The following MSANTD4 variants were observed in gnomAD, a reference collection of about 807,000 sequenced individuals.
MSANTD4 encodes the protein Myb/SANT DNA binding domain containing 4 with coiled-coils, also known as myb/SANT-like DNA-binding domain-containing protein 4.
Under a neutral mutation model 34.3 loss-of-function variants are expected in MSANTD4, and 13 were observed. The observed-to-expected ratio is 0.38, with a 90% CI of 0.25 to 0.60. MSANTD4 has a LOEUF of 0.60. Ranked by LOEUF, MSANTD4 falls within the 20% of genes least tolerant of loss-of-function variation. MSANTD4 has a pLI of 0.63. For synonymous variants in MSANTD4, 137 were observed against 145.2 expected (o/e 0.94, Z 0.41); for missense variants, 358 against 401.8 (o/e 0.89, Z 0.93).
Position 106,021,836 on chromosome 11 carries a change from C to T in MSANTD4, c.-1025G>A, listed in dbSNP as rs1229553236. 2 of 152,340 alleles carry T rather than the reference C, an allele frequency of 1.3e-5. No individual in the cohort carries two copies. The highest frequency in any genetic ancestry group is 4.8e-5 in the African/African-American group (2 of 41,412). The allele number at this position is 152,340 out of a possible 1,614,324, so 9.4% of individuals were successfully genotyped here. A position where few individuals can be genotyped will look rare whatever the true frequency, so the allele number is the denominator to read the frequency against. On this transcript the variant is annotated 5_prime_UTR_variant, in exon 1 of 3. Transcript: ENST00000301919. The stretch of plus-strand genomic sequence containing the variant: ...CACCCAGGGGAGCAGGGGCGCGCAC[C>T]TGCCTCGGCCACAATGATGAGGTTG...
At chr11:106,018,890 A>G (rs1185788648) in intron 1 of MSANTD4, among the ~76,000 whole-genome samples, 2 of 152,226 alleles carry the variant, frequency 1.3e-5, no homozygotes, top group Non-Finnish European at 2.9e-5. Flanking sequence ...ACCCCTATCC[A>G]TATCTCCATT....
At chr11:106,020,529 T>C (rs1030969448) in intron 1 of MSANTD4, among the ~76,000 whole-genome samples, 22 of 152,214 alleles carry the variant, frequency 1.4e-4, no homozygotes, top group African/African-American at 5.3e-4. Flanking sequence ...ATATCCACCG[T>C]AAGATTTTGC....
intron 1 of MSANTD4, among the ~76,000 whole-genome samples, chr11:106,015,620 G>C (rs2847184): frequency 0.93 from 141,654 of 152,238 alleles, 65,923 homozygotes; most frequent in East Asian, 0.96. Flanking sequence ...ACATCTCTTT[G>C]CAACTCCACA....
Position 106,008,103 on chromosome 11 carries a change from C to G in MSANTD4, c.*1432G>C, listed in dbSNP as rs748936164. 1 of 152,622 alleles carries G rather than the reference C, an allele frequency of 6.6e-6. No homozygotes were observed. The highest frequency in any genetic ancestry group is 1.5e-5 in the Non-Finnish European group (1 of 68,044). The allele number at this position is 152,622 out of a possible 1,614,324, so 9.5% of individuals were successfully genotyped here. ...AAAGTAATAACTGTCAACAGAAGAG[C>G]TGTATTAAAGCTACGTATCAACCTT... On this transcript the variant is annotated 3_prime_UTR_variant, in exon 3 of 3. Transcript: ENST00000301919.
chr11:106,016,827 G>C (rs1229413643), intron 1 of MSANTD4, among the ~76,000 whole-genome samples: 1 of 151,992 alleles, frequency 6.6e-6, no homozygotes, highest in African/African-American at 2.4e-5. Context: ...TTGCTAGTCA[G>C]GCATATTGAC....
chr11:106,016,276 T>C (rs1320194467), intron 1 of MSANTD4, among the ~76,000 whole-genome samples: 1 of 152,188 alleles, frequency 6.6e-6, no homozygotes, highest in Non-Finnish European at 1.5e-5. Flanking sequence ...TAGAGGTGAC[T>C]AAAAATATTC....
chr11:106,020,539 C>T (rs929377384), intron 1 of MSANTD4, among the ~76,000 whole-genome samples: 3 of 152,164 alleles, frequency 2.0e-5, no homozygotes, highest in African/African-American at 7.2e-5. Context: ...TAAGATTTTG[C>T]TCTTAGAATC....
rs146901911 is a variant in MSANTD4 at position 106,009,714 on chromosome 11, T to C, written c.859A>G (p.Met287Val). ...ENELGQGEKS[M>V]LQPQDIETEK... ...GTTTCTATGTCCTGTGGTTGAAGCA[T>C]GGATTTTTCTCCTTGACCAAGTTCA... The change falls in exon 3 of 3, where the codon ATG (methionine) becomes GTG (valine). Residue 287 changes from methionine (M) to valine (V), a missense_variant. Transcript: ENST00000301919. The C allele has an allele frequency of 1.4e-4, 232 of 1,614,106 alleles. No individual in the cohort carries two copies. Among genetic ancestry groups the C allele is most frequent in the Non-Finnish European group, 1.8e-4 (216 of 1,180,046 alleles).
chr11:106,009,300 C>A lies in MSANTD4; in HGVS notation c.*235G>T, dbSNP rs1859614149. On this transcript the variant is annotated 3_prime_UTR_variant, in exon 3 of 3. Coordinates refer to ENST00000301919, the MANE Select transcript of MSANTD4 (RefSeq NM_032424.3). ...CTGGGTACACAGACAATACAAGACTCTATGTAATATTATAAGGTAAAGAGT... is the reference window on the plus strand; with the variant it reads ...CTGGGTACACAGACAATACAAGACTATATGTAATATTATAAGGTAAAGAGT... 2.3e-6 allele frequency: 1 copy of A among 439,234 alleles called. No homozygotes were observed. The allele number at this position is 439,234 out of a possible 1,614,324, so 27.2% of individuals were successfully genotyped here. A position where few individuals can be genotyped will look rare whatever the true frequency, so the allele number is the denominator to read the frequency against.
chr11:106,019,277 G>GTCC (rs1235332643), intron 1 of MSANTD4, among the ~76,000 whole-genome samples: 1 of 152,068 alleles, frequency 6.6e-6, no homozygotes, highest in Non-Finnish European at 1.5e-5. Flanking sequence ...CAATAGAAAT[G>GTCC]TAAGAGCCCT....
intron 1 of MSANTD4, among the ~76,000 whole-genome samples, chr11:106,013,736 C>G (rs1859764130): frequency 6.6e-6 from 1 of 152,150 alleles, no homozygotes; most frequent in African/African-American, 2.4e-5. Context: ...GTGGTGCACA[C>G]CTATAATCCC....
At position 106,009,771 on chromosome 11, in the gene MSANTD4, T is replaced by A; in HGVS notation, c.802A>T (p.Ile268Leu). 1 of 1,614,238 alleles carries A rather than the reference T, an allele frequency of 6.2e-7. No individual in the cohort carries two copies. Among genetic ancestry groups the A allele is most frequent in the Non-Finnish European group, 8.5e-7 (1 of 1,180,040 alleles). The change falls in exon 3 of 3, where the codon ATA (isoleucine) becomes TTA (leucine). Residue 268 changes from isoleucine (I) to leucine (L), a missense_variant. Ile to Leu is a conservative substitution (Grantham distance 5). Around this residue, in one of 2 missense-constraint regions of MSANTD4, gnomAD observed 312 missense variants for 317.6 expected, o/e 0.98. Transcript: ENST00000301919. Reference protein sequence around the residue: ...QIEREKLRLQIVNSEKPSLEN... With the variant: ...QIEREKLRLQLVNSEKPSLEN... ...AAGGACGGTTTCTCTGAATTGACTA[T>A]CTGTAACCTCAACTTTTCTCTTTCA...
chr11:106,015,812 T>G (rs1020837683), intron 1 of MSANTD4, among the ~76,000 whole-genome samples: 2 of 152,000 alleles, frequency 1.3e-5, no homozygotes, highest in Non-Finnish European at 2.9e-5. Context: ...GAAAATGAAA[T>G]GTTTTAACAT....
chr11:106,010,888 G>A lies in MSANTD4; in HGVS notation c.30C>T (p.Ser10=). 6.2e-7 allele frequency: 1 copy of A among 1,601,590 alleles called. No homozygotes were observed. The highest frequency in any genetic ancestry group is 8.5e-7 in the Non-Finnish European group (1 of 1,174,090). Residue 10 remains serine, a synonymous_variant, in exon 2 of 3, where the codon AGC becomes AGT. Transcript: ENST00000301919. ...TCTGAGTTTCTTGAACACTAAAATT[G>A]CTTTTCCTTTTTCTTTTCAACTGCT... MKQLKRKRK[S]NFSVQETQTL...
In MSANTD4 at chr11:106,015,298, C is replaced by T. The variant is rs546463576; in HGVS notation, c.-150-4231G>A. Among the ~76,000 whole-genome samples the T allele has an allele frequency of 3.0e-4, 46 of 152,160 alleles. No homozygotes were observed. The South Asian group carries it at 3.7e-3, about 12-fold the overall frequency. On this transcript the variant is annotated intron_variant, in intron 1 of 2. Coordinates refer to ENST00000301919, the MANE Select transcript of MSANTD4 (RefSeq NM_032424.3). ...GCCTCAGTTACTTAACTTCCCTATGCGTAATTTTATTTGTAAAATGATAAT... is the reference window on the plus strand; with the variant it reads ...GCCTCAGTTACTTAACTTCCCTATGTGTAATTTTATTTGTAAAATGATAAT...
At chr11:106,016,313 A>G (rs1355988330) in intron 1 of MSANTD4, among the ~76,000 whole-genome samples, 1 of 152,230 alleles carries the variant, frequency 6.6e-6, no homozygotes, top group Non-Finnish European at 1.5e-5. Flanking sequence ...ATAAGCCACA[A>G]TATAAAAAAC....
chr11:106,015,021 A>G (rs1361451388), intron 1 of MSANTD4, among the ~76,000 whole-genome samples: 1 of 152,272 alleles, frequency 6.6e-6, no homozygotes. Context: ...GAGAAATTTA[A>G]TAATAAAATT....
At chr11:106,019,520 C>T (rs1040540984) in intron 1 of MSANTD4, among the ~76,000 whole-genome samples, 1 of 152,188 alleles carries the variant, frequency 6.6e-6, no homozygotes, top group African/African-American at 2.4e-5. Context: ...ATATATTTCC[C>T]CAGGTCATCT....
chr11:106,013,603 G>A (rs1430361796), intron 1 of MSANTD4, among the ~76,000 whole-genome samples: 1 of 152,214 alleles, frequency 6.6e-6, no homozygotes, highest in Non-Finnish European at 1.5e-5. Context: ...GCTCATGCCT[G>A]TAATCCTAGC....
Sources: gnomAD v4.1 joint callset for allele counts (sites outside exome capture counted in the v4.1 genomes callset) on GRCh38, gnomAD v4.1.1 for gene constraint, gnomAD v4.1.1 regional missense constraint, MANE v1.5 for transcripts, NCBI Gene and HGNC (gene_info 2026-07-23, HGNC 2026-07-21) for gene names.